CACNA2D3: variants seen among roughly 807,000 people sequenced by gnomAD.
CACNA2D3 encodes calcium voltage-gated channel auxiliary subunit alpha2delta 3.
A neutral mutation model predicts 160.6 loss-of-function variants in CACNA2D3; 60 were observed. That is an observed-to-expected ratio of 0.37 (90% CI 0.30 to 0.46). CACNA2D3 has a LOEUF of 0.46. Among genes scored for constraint, CACNA2D3 ranks in the 20% least tolerant of loss-of-function variants. The probability of loss-of-function intolerance (pLI) is 1.00; values close to 1 mark genes in which losing one functional copy is unlikely to be tolerated. For missense variants in CACNA2D3, 1,205 were observed against 1,365.0 expected, an observed-to-expected ratio of 0.88 and a Z score of 1.85; for synonymous variants, 558 against 492.9, an observed-to-expected ratio of 1.13 and a Z score of -1.75.
intron 2 of CACNA2D3, among the ~76,000 whole-genome samples, chr3:54,319,240 A>G (rs1312876219): frequency 6.6e-6 from 1 of 151,582 alleles, no homozygotes; most frequent in African/African-American, 2.4e-5. Context: ...CTCCCAATTT[A>G]CATTTTGAAG....
At chr3:54,311,523 T>C (rs1430507710) in intron 2 of CACNA2D3, among the ~76,000 whole-genome samples, 1 of 152,202 alleles carries the variant, frequency 6.6e-6, no homozygotes, top group Non-Finnish European at 1.5e-5. Flanking sequence ...GTGACTGTGA[T>C]GGCCGGTCCT....
In CACNA2D3 at chr3:54,123,494, G is replaced by C; in HGVS notation, c.123-19G>C. The C allele has an allele frequency of 6.3e-7, 1 of 1,597,866 alleles. No individual in the cohort carries two copies. The highest frequency in any genetic ancestry group is 8.6e-7 in the Non-Finnish European group (1 of 1,165,206). ...TGACACGGGTGTTACATATCTTCCT[G>C]TGCCCCTTCTCCCTGTAGGGTGAAG... is the stretch of plus-strand genomic sequence containing the variant. On this transcript the variant is annotated intron_variant, in intron 1 of 37. Coordinates refer to ENST00000474759, the MANE Select transcript of CACNA2D3 (RefSeq NM_018398.3).
chr3:54,453,168 T>C (rs925641208), intron 4 of CACNA2D3, among the ~76,000 whole-genome samples: 22 of 152,072 alleles, frequency 1.4e-4, no homozygotes, highest in Non-Finnish European at 2.2e-4. Context: ...ATTTTTTGTA[T>C]TTTTTGTACA....
chr3:54,178,067 T>C (rs1227835275), intron 2 of CACNA2D3, among the ~76,000 whole-genome samples: 1 of 152,132 alleles, frequency 6.6e-6, no homozygotes. Flanking sequence ...GAAGCAAAAC[T>C]AGCAGAAGAC....
intron 5 of CACNA2D3, among the ~76,000 whole-genome samples, chr3:54,511,243 C>A (rs139424117): frequency 6.6e-6 from 1 of 152,324 alleles, no homozygotes; most frequent in East Asian, 1.9e-4. Context: ...CATTTATGCC[C>A]CCGTGTGGGG....
intron 8 of CACNA2D3, among the ~76,000 whole-genome samples, chr3:54,580,134 TG>T (rs1702650148): frequency 6.6e-6 from 1 of 152,124 alleles, no homozygotes; most frequent in Non-Finnish European, 1.5e-5. Flanking sequence ...CGATCATTTT[TG>T]CCGTGCCTCA....
chr3:54,589,340 A>C (rs189364780), intron 9 of CACNA2D3, among the ~76,000 whole-genome samples: 108 of 152,256 alleles, frequency 7.1e-4, no homozygotes, highest in Non-Finnish European at 8.8e-4. Context: ...AACAAAAAAC[A>C]ACAAATTAAC....
At chr3:54,176,853 G>A (rs892904642) in intron 2 of CACNA2D3, among the ~76,000 whole-genome samples, 3 of 152,146 alleles carry the variant, frequency 2.0e-5, no homozygotes, top group Admixed American at 6.5e-5. Context: ...TGGGGTTGGG[G>A]GAGTGCTCTG....
intron 5 of CACNA2D3, among the ~76,000 whole-genome samples, chr3:54,507,052 C>T (rs1701382414): frequency 6.6e-6 from 1 of 152,058 alleles, no homozygotes; most frequent in Non-Finnish European, 1.5e-5. Context: ...TATGTATGTG[C>T]ATGTTTCTGT....
At chr3:54,394,127 T>G (rs1388207604) in intron 4 of CACNA2D3, among the ~76,000 whole-genome samples, 1 of 152,058 alleles carries the variant, frequency 6.6e-6, no homozygotes, top group East Asian at 1.9e-4. Flanking sequence ...TTTACCTTGC[T>G]CCCTGGGCTC....
At chr3:54,896,997 A>C in intron 26 of CACNA2D3, 127 bp downstream of exon 26, 1 of 1,203,316 alleles carries the variant, frequency 8.3e-7, no homozygotes, top group Non-Finnish European at 1.2e-6. Context: ...GCCAGTGCTG[A>C]ATATTGGGTC....
chr3:54,213,924 G>A (rs933310231), intron 2 of CACNA2D3, among the ~76,000 whole-genome samples: 21 of 152,184 alleles, frequency 1.4e-4, no homozygotes, highest in Non-Finnish European at 2.6e-4. Context: ...GGAAAATACC[G>A]GGAGGAGAGA....
chr3:55,024,887 G>A lies in CACNA2D3; in HGVS notation c.2987+6570G>A, dbSNP rs958439306. ...TATGTCTCAGATATGATCACAGGCC[G>A]TGTGTGATGGAAGGGTTGTTGACAA... On this transcript the variant is annotated intron_variant, in intron 35 of 37. Transcript: ENST00000474759. Among the ~76,000 whole-genome samples the A allele has an allele frequency of 5.3e-5, 8 of 152,174 alleles. No individual in the cohort carries two copies. The East Asian group carries it at 9.6e-4, about 18-fold the overall frequency.
In CACNA2D3 at chr3:54,338,467, CTGTGTGTGTG is replaced by C. The variant is rs71074965; in HGVS notation, c.321+17945_321+17954del. On this transcript the variant is annotated intron_variant, in intron 3 of 37. Coordinates refer to ENST00000474759, the MANE Select transcript of CACNA2D3 (RefSeq NM_018398.3). Reference sequence around the variant, plus strand: ...TTATAGCTCTCTTCATCTCCCCTCCCTGTGTGTGTGTGTGTGTGTGTGTGTGTGTGTGTGT... The same window carrying C: ...TTATAGCTCTCTTCATCTCCCCTCCCTGTGTGTGTGTGTGTGTGTGTGTGT... Among the ~76,000 whole-genome samples the C allele has an allele frequency of 2.7e-3, 368 of 136,514 alleles. 1 individual carries two copies. The highest frequency in any genetic ancestry group is 8.4e-3 in the African/African-American group (303 of 35,928). The allele number at this position is 136,514 out of a possible 152,430, so 89.6% of individuals were successfully genotyped here.
intron 24 of CACNA2D3, among the ~76,000 whole-genome samples, chr3:54,888,348 C>T (rs1324246954): frequency 1.3e-5 from 2 of 152,108 alleles, no homozygotes. Context: ...TTGCCTGCCT[C>T]GCCACAGCTC....
intron 29 of CACNA2D3, among the ~76,000 whole-genome samples, chr3:54,977,269 C>T (rs1179582121): frequency 3.2e-4 from 49 of 152,082 alleles, no homozygotes; most frequent in Admixed American, 3.2e-3. Context: ...TTTGGAAGTA[C>T]AGCTCATGTT....
intron 27 of CACNA2D3, among the ~76,000 whole-genome samples, chr3:54,931,559 A>G (rs1701193004): frequency 6.6e-6 from 1 of 152,084 alleles, no homozygotes; most frequent in Admixed American, 6.5e-5. Context: ...GGCCAGAGCC[A>G]CTCCTTAAAG....
At chr3:54,439,633 T>C (rs1700112676) in intron 4 of CACNA2D3, among the ~76,000 whole-genome samples, 1 of 152,146 alleles carries the variant, frequency 6.6e-6, no homozygotes, top group Admixed American at 6.5e-5. Context: ...TGGGTGGCTG[T>C]GTTTTCGTGG....
At chr3:54,177,571 G>GT (rs1326980822) in intron 2 of CACNA2D3, among the ~76,000 whole-genome samples, 1 of 152,196 alleles carries the variant, frequency 6.6e-6, no homozygotes, top group African/African-American at 2.4e-5. Context: ...GCATCCTGCA[G>GT]TTACAAAGCT....
Sources: allele counts gnomAD v4.1 joint callset (sites outside exome capture counted in the v4.1 genomes callset), GRCh38; gene constraint gnomAD v4.1.1; transcripts MANE v1.5; gene names NCBI Gene and HGNC (gene_info 2026-07-23, HGNC 2026-07-21).